Variants in PRKG1 observed in about 807,000 individuals in gnomAD.
PRKG1 encodes the protein protein kinase cGMP-dependent 1.
PRKG1 carries 35 observed loss-of-function variants against 88.1 expected under a neutral mutation model. The observed-to-expected ratio is 0.40, with a 90% CI of 0.30 to 0.53. The LOEUF is 0.53. Among genes scored for constraint, PRKG1 ranks in the 20% least tolerant of loss-of-function variants. PRKG1 has a pLI of 0.59. For synonymous variants in PRKG1, 303 were observed against 292.5 expected (o/e 1.04, Z -0.37); for missense variants, 540 against 839.8 (o/e 0.64, Z 4.41).
At chr10:52,203,397 T>G (rs1839727917) in intron 9 of PRKG1, among the ~76,000 whole-genome samples, 1 of 152,162 alleles carries the variant, frequency 6.6e-6, no homozygotes, top group Non-Finnish European at 1.5e-5. Context: ...TATAATTTCA[T>G]TTTTTTAAAA....
In PRKG1 at chr10:52,063,300, T is replaced by C. The variant is rs1846281284; in HGVS notation, c.935+669T>C. Among the ~76,000 whole-genome samples, 3 of 152,172 alleles carry C rather than the reference T, an allele frequency of 2.0e-5. No individual in the cohort carries two copies. In the South Asian group the frequency reaches 6.2e-4, roughly 31 times the overall value. On this transcript the variant is annotated intron_variant, in intron 7 of 17. Coordinates refer to ENST00000373980, the MANE Select transcript of PRKG1 (RefSeq NM_006258.4). Reference sequence around the variant, plus strand: ...GGCAGCTCCAGGTGCTGGCATGGGATCTTTGTAAGGCTGCGGCCGAACCAG... The same window carrying C: ...GGCAGCTCCAGGTGCTGGCATGGGACCTTTGTAAGGCTGCGGCCGAACCAG...
At chr10:51,378,808 A>T (rs1270344583) in intron 2 of PRKG1, among the ~76,000 whole-genome samples, 2 of 152,120 alleles carry the variant, frequency 1.3e-5, no homozygotes, top group African/African-American at 4.8e-5. Context: ...TCATGGGGGG[A>T]TTATATGAAA....
intron 9 of PRKG1, among the ~76,000 whole-genome samples, chr10:52,163,899 C>A (rs1838352626): frequency 6.6e-6 from 1 of 152,084 alleles, no homozygotes; most frequent in Admixed American, 6.6e-5. Context: ...TGAATGAAGG[C>A]CAGAAGTCTT....
chr10:51,260,977 A>G (rs1839690428), intron 2 of PRKG1, among the ~76,000 whole-genome samples: 1 of 152,206 alleles, frequency 6.6e-6, no homozygotes, highest in African/African-American at 2.4e-5. Context: ...TTTACAAAAT[A>G]TGTCGTAACT....
intron 9 of PRKG1, among the ~76,000 whole-genome samples, chr10:52,240,911 T>C (rs1439977561): frequency 6.6e-6 from 1 of 152,180 alleles, no homozygotes; most frequent in Non-Finnish European, 1.5e-5. Context: ...CTAATGGTTC[T>C]TTAAAATATA....
intron 4 of PRKG1, among the ~76,000 whole-genome samples, chr10:51,880,899 T>G (rs1841419958): frequency 6.6e-6 from 1 of 152,224 alleles, no homozygotes; most frequent in African/African-American, 2.4e-5. Context: ...AGTAAATTTT[T>G]AGGTTAGAAG....
chr10:52,290,267 T>C lies in PRKG1; in HGVS notation c.1939T>C (p.Leu647=), dbSNP rs1295517459. The C allele has an allele frequency of 1.2e-6, 2 of 1,612,650 alleles. No individual in the cohort carries two copies. Among genetic ancestry groups the C allele is most frequent in the African/African-American group, 2.7e-5 (2 of 74,852 alleles). ...FNWEGLRKGT[L]TPPIIPSVAS... is the part of the protein sequence containing the mutation. The stretch of plus-strand genomic sequence containing the variant: ...CTGGGAAGGCTTAAGAAAAGGTACC[T>C]TGACACCTCCTATAATACCAAGTGT... The change falls in exon 17 of 18, where the codon TTG becomes CTG. Residue 647 remains leucine (L), a synonymous_variant. Transcript: ENST00000373980.
At chr10:51,698,715 A>C (rs745561958) in intron 3 of PRKG1, 1 of 1,614,070 alleles carries the variant, frequency 6.2e-7, no homozygotes, top group African/African-American at 1.3e-5. Flanking sequence ...GGAGTTAAGG[A>C]ACCAGGACCA....
chr10:52,050,038 TGAGA>T (rs906661712), intron 5 of PRKG1, among the ~76,000 whole-genome samples: 40 of 146,278 alleles, frequency 2.7e-4, no homozygotes, highest in Admixed American at 2.5e-3. Flanking sequence ...TGTGTGTGTG[TGAGA>T]GAGAGAGAGT....
chr10:51,423,776 G>T (rs999941668), intron 2 of PRKG1, among the ~76,000 whole-genome samples: 2 of 152,096 alleles, frequency 1.3e-5, no homozygotes, highest in African/African-American at 4.8e-5. Context: ...ATAGTTCGCA[G>T]AGGTCACTGG....
rs16921191 is a variant in PRKG1, at chr10:51,664,678, A to G, written c.593-139907A>G. ...TTGAAAATGGTTCTGGTACAGAAAG[A>G]TCTCAAAACTCCATCTTTGTTAAGA... On this transcript the variant is annotated intron_variant, in intron 3 of 17. Coordinates refer to ENST00000373980, the MANE Select transcript of PRKG1 (RefSeq NM_006258.4). Among the ~76,000 whole-genome samples the G allele has an allele frequency of 5.3e-3, 806 of 152,248 alleles. 7 individuals carry two copies. Among genetic ancestry groups the G allele is most frequent in the African/African-American group, 0.019 (774 of 41,558 alleles).
At chr10:51,500,596 A>G (rs1231965020) in intron 3 of PRKG1, among the ~76,000 whole-genome samples, 1 of 152,158 alleles carries the variant, frequency 6.6e-6, no homozygotes, top group East Asian at 1.9e-4. Flanking sequence ...GGCTGATAGT[A>G]TTATATAGAG....
intron 2 of PRKG1, among the ~76,000 whole-genome samples, chr10:51,439,955 A>T (rs1194255980): frequency 6.6e-6 from 1 of 151,954 alleles, no homozygotes; most frequent in East Asian, 1.9e-4. Flanking sequence ...AGTAGATTTG[A>T]GTTCCACAAC....
rs896839154 is a variant in PRKG1 at position 51,571,371 on chromosome 10, G to T, written c.592+103535G>T. 4.0e-5 allele frequency among the ~76,000 whole-genome samples: 6 copies of T among 151,854 alleles called. No homozygotes were observed. The South Asian group carries it at 1.2e-3, about 31-fold the overall frequency. ...TTATGATTTTCTCATCAATAAAATA[G>T]AAATAATAATACTTGTCTTGGCTAT... On this transcript the variant is annotated intron_variant, in intron 3 of 17. Coordinates refer to ENST00000373980, the MANE Select transcript of PRKG1 (RefSeq NM_006258.4).
At position 51,136,913 on chromosome 10, in the gene PRKG1, C is replaced by CT. The variant is rs796124014; in HGVS notation, c.312-16242dup. Among the ~76,000 whole-genome samples, 128 of 151,150 alleles carry CT rather than the reference C, an allele frequency of 8.5e-4. 2 individuals are homozygous for CT. The highest frequency in any genetic ancestry group is 2.6e-3 in the African/African-American group (108 of 41,208). ...TTTAGTAATTATTAATTAATTGTTT[C>CT]TTTTTTTTTGAGACGGATTTCTCTG... On this transcript the variant is annotated intron_variant, in intron 1 of 17. Coordinates refer to ENST00000373980, the MANE Select transcript of PRKG1 (RefSeq NM_006258.4).
chr10:51,487,686 A>G (rs896928552), intron 3 of PRKG1, among the ~76,000 whole-genome samples: 2 of 152,122 alleles, frequency 1.3e-5, no homozygotes, highest in African/African-American at 4.8e-5. Context: ...CTTAAGGAGT[A>G]TGTCTCATCA....
At chr10:51,157,334 G>T (rs1483691145) in intron 2 of PRKG1, among the ~76,000 whole-genome samples, 1 of 151,884 alleles carries the variant, frequency 6.6e-6, no homozygotes, top group Non-Finnish European at 1.5e-5. Context: ...AGGCAGTAGT[G>T]TAAGTAGATT....
chr10:51,323,823 C>T lies in PRKG1; in HGVS notation c.479-143900C>T, dbSNP rs372990049. On this transcript the variant is annotated intron_variant, in intron 2 of 17. Coordinates refer to ENST00000373980, the MANE Select transcript of PRKG1 (RefSeq NM_006258.4). ...TTTTAGTTAGCTGGGCATGGTGGCACGTGCCTGTAGTCCCAGCTACTCAGG... is the reference window on the plus strand; with the variant it reads ...TTTTAGTTAGCTGGGCATGGTGGCATGTGCCTGTAGTCCCAGCTACTCAGG... 5.3e-5 allele frequency among the ~76,000 whole-genome samples: 8 copies of T among 152,216 alleles called. No individual in the cohort carries two copies. The South Asian group carries it at 1.4e-3, about 28-fold the overall frequency.
intron 5 of PRKG1, among the ~76,000 whole-genome samples, chr10:51,999,051 G>GT (rs1042147496): frequency 7.0e-4 from 107 of 152,248 alleles, no homozygotes; most frequent in African/African-American, 2.5e-3. Flanking sequence ...CCTCACCTCT[G>GT]TTTTTTGGGG....
Sources: gnomAD v4.1 joint callset for allele counts (sites outside exome capture counted in the v4.1 genomes callset) on GRCh38, gnomAD v4.1.1 for gene constraint, MANE v1.5 for transcripts, NCBI Gene and HGNC (gene_info 2026-07-23, HGNC 2026-07-21) for gene names.